Variants in PCLO observed in about 807,000 individuals in gnomAD.
PCLO encodes the protein piccolo presynaptic cytomatrix protein.
In PCLO, 82 loss-of-function variants were observed where a neutral mutation model predicts 427.5. That is an observed-to-expected ratio of 0.19 (90% CI 0.16 to 0.23). The LOEUF (loss-of-function observed/expected upper bound fraction) is 0.23. PCLO is among the 10% of genes least tolerant of loss of function. The probability of loss-of-function intolerance (pLI) is 1.00; values close to 1 mark genes in which losing one functional copy is unlikely to be tolerated. For synonymous variants in PCLO, 2,357 were observed against 2,155.4 expected, an observed-to-expected ratio of 1.09 and a Z score of -2.59; for missense variants, 6,239 against 6,115.9, an observed-to-expected ratio of 1.02 and a Z score of -0.67.
At chr7:83,009,113 A>G (rs899440490) in intron 3 of PCLO, among the ~76,000 whole-genome samples, 2 of 151,706 alleles carry the variant, frequency 1.3e-5, no homozygotes, top group Non-Finnish European at 3.0e-5. Flanking sequence ...TAGAAAATAT[A>G]TTTTTAAATG....
intron 3 of PCLO, among the ~76,000 whole-genome samples, chr7:83,100,771 T>C (rs1001146461): frequency 6.6e-6 from 1 of 152,160 alleles, no homozygotes; most frequent in Non-Finnish European, 1.5e-5. Context: ...AGTTTACCTA[T>C]GTAACAAACC....
chr7:83,103,551 T>C (rs1264411163), intron 3 of PCLO, among the ~76,000 whole-genome samples: 1 of 151,968 alleles, frequency 6.6e-6, no homozygotes, highest in African/African-American at 2.4e-5. Flanking sequence ...TATGAGTCTG[T>C]CAATTGTCTT....
intron 15 of PCLO, among the ~76,000 whole-genome samples, chr7:82,837,634 T>G (rs188871749): frequency 6.6e-6 from 1 of 151,964 alleles, no homozygotes; most frequent in African/African-American, 2.4e-5. Context: ...ATATCAACAA[T>G]TTATACATCA....
intron 6 of PCLO, among the ~76,000 whole-genome samples, chr7:82,922,939 A>T (rs1794632075): frequency 6.6e-6 from 1 of 152,012 alleles, no homozygotes; most frequent in Non-Finnish European, 1.5e-5. Flanking sequence ...TTGGATTTTT[A>T]GGTTTGTTCT....
chr7:82,764,157 G>T (rs1562775029), intron 22 of PCLO, among the ~76,000 whole-genome samples: 2 of 151,860 alleles, frequency 1.3e-5, no homozygotes, highest in Non-Finnish European at 2.9e-5. Context: ...AAAGAAGGGA[G>T]AGAGAAAGAG....
chr7:83,005,876 A>C (rs2115954698), intron 3 of PCLO, among the ~76,000 whole-genome samples: 1 of 151,814 alleles, frequency 6.6e-6, no homozygotes, highest in Admixed American at 6.6e-5. Context: ...CTTTGAAATT[A>C]AGGAAAAAAT....
At chr7:83,108,164 A>G (rs1250881473) in intron 3 of PCLO, among the ~76,000 whole-genome samples, 1 of 152,108 alleles carries the variant, frequency 6.6e-6, no homozygotes, top group Non-Finnish European at 1.5e-5. Flanking sequence ...CATACATGTG[A>G]GAGAAAAAAA....
At chr7:82,790,824 T>C (rs1435827885) in intron 22 of PCLO, among the ~76,000 whole-genome samples, 3 of 152,236 alleles carry the variant, frequency 2.0e-5, no homozygotes, top group African/African-American at 4.8e-5. Context: ...TTTAGGGTGG[T>C]AAACTCCTTA....
At position 82,756,975 on chromosome 7, in the gene PCLO, A is replaced by AAGAT. The variant is rs1242636332; in HGVS notation, c.*1596_*1599dup. 2 of 152,122 alleles carry AAGAT rather than the reference A, an allele frequency of 1.3e-5. No individual in the cohort carries two copies. The highest frequency in any genetic ancestry group is 1.3e-4 in the Admixed American group (2 of 15,246). 9.4% of individuals were successfully genotyped at this position (152,122 alleles called of 1,614,324 possible). A position where few individuals can be genotyped will look rare whatever the true frequency, so the allele number is the denominator to read the frequency against. ...TCACATATAAAATTTGAGAATTAAA[A>AAGAT]AGATATGTAATAATTATTCCTCACT... On this transcript the variant is annotated 3_prime_UTR_variant, in exon 25 of 25. Transcript: ENST00000333891.
intron 16 of PCLO, among the ~76,000 whole-genome samples, chr7:82,833,467 AT>A (rs1792147752): frequency 6.6e-6 from 1 of 152,100 alleles, no homozygotes; most frequent in Admixed American, 6.6e-5. Flanking sequence ...CTTGCCTGAC[AT>A]TTTGCCCCTC....
intron 7 of PCLO, among the ~76,000 whole-genome samples, chr7:82,913,567 C>A (rs576781989): frequency 6.6e-6 from 1 of 151,864 alleles, no homozygotes; most frequent in African/African-American, 2.4e-5. Context: ...AAAAAAGGAC[C>A]AAGAGTCAAG....
intron 3 of PCLO, among the ~76,000 whole-genome samples, chr7:83,000,046 A>G (rs957752362): frequency 1.3e-4 from 11 of 84,800 alleles, no homozygotes; most frequent in Admixed American, 6.7e-4. Flanking sequence ...GCCAAAAAAC[A>G]AAAAACAAAC....
At chr7:82,790,856 G>A (rs528678554) in intron 22 of PCLO, among the ~76,000 whole-genome samples, 1 of 152,262 alleles carries the variant, frequency 6.6e-6, no homozygotes, top group South Asian at 2.1e-4. Flanking sequence ...ACAACATACA[G>A]GATTAACAAG....
At chr7:83,040,443 G>C (rs543427073) in intron 3 of PCLO, among the ~76,000 whole-genome samples, 29 of 152,188 alleles carry the variant, frequency 1.9e-4, no homozygotes, top group Admixed American at 3.3e-4. Flanking sequence ...TTTTTCTGTT[G>C]TTTTCAACAA....
chr7:82,765,908 TA>T (rs1790522689), intron 22 of PCLO, among the ~76,000 whole-genome samples: 1 of 151,616 alleles, frequency 6.6e-6, no homozygotes, highest in Non-Finnish European at 1.5e-5. Context: ...GAAAAAAAAG[TA>T]AAATGTAGGA....
At chr7:82,759,968 A>G (rs1026686212) in intron 24 of PCLO, among the ~76,000 whole-genome samples, 6 of 151,976 alleles carry the variant, frequency 3.9e-5, no homozygotes, top group Non-Finnish European at 8.8e-5. Flanking sequence ...ATAAGGTAAG[A>G]TGAATTATAC....
chr7:82,754,073 T>A lies in PCLO; in HGVS notation c.*4502A>T, dbSNP rs560303181. 6.6e-6 allele frequency: 1 copy of A among 152,288 alleles called. No homozygotes were observed. Among genetic ancestry groups the A allele is most frequent in the South Asian group, 2.1e-4 (1 of 4,828 alleles). 9.4% of individuals were successfully genotyped at this position (152,288 alleles called of 1,614,324 possible). ...CAGCCTTTATACGGCACAGTTTACA[T>A]AAGTTATCAAGATACATCTTGTATA... On this transcript the variant is annotated 3_prime_UTR_variant, in exon 25 of 25. Transcript: ENST00000333891.
At chr7:83,050,717 AG>A (rs1789231601) in intron 3 of PCLO, among the ~76,000 whole-genome samples, 1 of 149,998 alleles carries the variant, frequency 6.7e-6, no homozygotes, top group Non-Finnish European at 1.5e-5. Context: ...CCTGGCCAAC[AG>A]GGTAAAAAAC....
intron 3 of PCLO, among the ~76,000 whole-genome samples, chr7:83,060,550 T>C (rs1789518324): frequency 6.6e-6 from 1 of 152,146 alleles, no homozygotes; most frequent in South Asian, 2.1e-4. Flanking sequence ...TACTACATTA[T>C]CTCTTCTCTG....
Sources: allele counts gnomAD v4.1 joint callset (sites outside exome capture counted in the v4.1 genomes callset), GRCh38; gene constraint gnomAD v4.1.1; transcripts MANE v1.5; gene names NCBI Gene and HGNC (gene_info 2026-07-23, HGNC 2026-07-21).